The following ZBTB20 variants were observed in gnomAD, a reference collection of about 807,000 sequenced individuals.
ZBTB20 encodes zinc finger and BTB domain-containing protein 20.
In ZBTB20, 9 loss-of-function variants were observed where a neutral mutation model predicts 56.9. That is an observed-to-expected ratio of 0.16 (90% CI 0.10 to 0.28). The LOEUF (loss-of-function observed/expected upper bound fraction) is 0.28. ZBTB20 is among the 10% of genes least tolerant of loss of function. The pLI is 1.00. For synonymous variants in ZBTB20, 417 were observed against 420.7 expected, an observed-to-expected ratio of 0.99 and a Z score of 0.11; for missense variants, 655 against 1,003.0, an observed-to-expected ratio of 0.65 and a Z score of 4.69.
chr3:114,752,895 C>T (rs1336060696), intron 5 of ZBTB20, among the ~76,000 whole-genome samples: 3 of 152,108 alleles, frequency 2.0e-5, no homozygotes, highest in Admixed American at 2.0e-4. Context: ...GAGTGCCTAC[C>T]ACTCAGTTCA....
intron 6 of ZBTB20, among the ~76,000 whole-genome samples, chr3:114,676,771 ATTTTTTTTTTTT>A (rs397873968): frequency 1.6e-5 from 2 of 123,320 alleles, no homozygotes; most frequent in East Asian, 4.6e-4. Context: ...GAACTAGGGG[ATTTTTTTTTTTT>A]TTTTTTTTTG....
intron 10 of ZBTB20, among the ~76,000 whole-genome samples, chr3:114,366,250 C>A (rs1482458524): frequency 1.3e-5 from 2 of 152,186 alleles, no homozygotes; most frequent in African/African-American, 4.8e-5. Flanking sequence ...CTGAATCTTT[C>A]TTAAACATAT....
chr3:114,705,255 A>C lies in ZBTB20; in HGVS notation c.-342-11680T>G, dbSNP rs1325766337. Among the ~76,000 whole-genome samples, 3 of 152,258 alleles carry C rather than the reference A, an allele frequency of 2.0e-5. No homozygotes were observed. The East Asian group carries it at 5.8e-4, about 29-fold the overall frequency. ...ATATTTGATCTGTTTCAGAACACAT[A>C]ACAAGTTTAAAGGTTCTCTCAGCCT... is the stretch of plus-strand genomic sequence containing the variant. On this transcript the variant is annotated intron_variant, in intron 5 of 11. Transcript: ENST00000675478.
chr3:114,377,464 G>A (rs1192366246), intron 10 of ZBTB20, among the ~76,000 whole-genome samples: 1 of 152,092 alleles, frequency 6.6e-6, no homozygotes, highest in Non-Finnish European at 1.5e-5. Context: ...AGAATTTAGG[G>A]GGTCAGACTT....
At chr3:114,409,951 G>A (rs1165132699) in intron 7 of ZBTB20, among the ~76,000 whole-genome samples, 1 of 152,162 alleles carries the variant, frequency 6.6e-6, no homozygotes, top group East Asian at 1.9e-4. Context: ...GCTCTCAGAA[G>A]AGGGAGAATA....
intron 7 of ZBTB20, among the ~76,000 whole-genome samples, chr3:114,440,392 T>A (rs1015177275): frequency 6.6e-6 from 1 of 152,178 alleles, no homozygotes; most frequent in Non-Finnish European, 1.5e-5. Flanking sequence ...GATACCACTA[T>A]GGAATTGGGT....
chr3:114,765,146 T>G (rs1416676326), intron 5 of ZBTB20, among the ~76,000 whole-genome samples: 1 of 152,166 alleles, frequency 6.6e-6, no homozygotes, highest in Non-Finnish European at 1.5e-5. Context: ...TCTCTATTAT[T>G]GAGTCCTGCA....
chr3:114,724,920 A>G (rs187385870), intron 5 of ZBTB20, among the ~76,000 whole-genome samples: 25 of 152,264 alleles, frequency 1.6e-4, no homozygotes, highest in Admixed American at 1.4e-3. Context: ...TATAAAATAC[A>G]ATTTTATTTT....
intron 3 of ZBTB20, among the ~76,000 whole-genome samples, chr3:114,905,994 T>A (rs2107687030): frequency 6.6e-6 from 1 of 151,974 alleles, no homozygotes; most frequent in Non-Finnish European, 1.5e-5. Context: ...ACTATTTTAT[T>A]CTTTTGTGGC....
chr3:114,592,714 A>C (rs2055899971), intron 6 of ZBTB20, among the ~76,000 whole-genome samples: 1 of 152,230 alleles, frequency 6.6e-6, no homozygotes. Context: ...CTTATCTATT[A>C]AGTTTATAGA....
intron 7 of ZBTB20, among the ~76,000 whole-genome samples, chr3:114,495,474 C>G (rs533120380): frequency 6.6e-6 from 1 of 152,142 alleles, no homozygotes; most frequent in East Asian, 1.9e-4. Context: ...CACACACACA[C>G]ACAGTCTCTC....
chr3:114,698,805 G>C (rs2063216471), intron 5 of ZBTB20, among the ~76,000 whole-genome samples: 1 of 152,086 alleles, frequency 6.6e-6, no homozygotes, highest in Non-Finnish European at 1.5e-5. Context: ...TGCGTACTCT[G>C]TCCACTTGTC....
At chr3:114,780,867 G>T (rs2070041976) in intron 5 of ZBTB20, among the ~76,000 whole-genome samples, 1 of 152,092 alleles carries the variant, frequency 6.6e-6, no homozygotes, top group Non-Finnish European at 1.5e-5. Flanking sequence ...GGAATCATAT[G>T]ACTTACCATA....
At chr3:114,577,304 T>C (rs907449923) in intron 6 of ZBTB20, among the ~76,000 whole-genome samples, 2 of 152,124 alleles carry the variant, frequency 1.3e-5, no homozygotes, top group African/African-American at 4.8e-5. Flanking sequence ...CTGATAGATT[T>C]TCTCAATGCA....
chr3:115,145,809 A>T (rs1412453041), intron 1 of ZBTB20, among the ~76,000 whole-genome samples: 1 of 152,208 alleles, frequency 6.6e-6, no homozygotes, highest in Non-Finnish European at 1.5e-5. Context: ...TTATCACTTA[A>T]ATTTAGTGTC....
chr3:114,995,515 C>A (rs554231349), intron 2 of ZBTB20, among the ~76,000 whole-genome samples: 1 of 151,774 alleles, frequency 6.6e-6, no homozygotes, highest in South Asian at 2.1e-4. Flanking sequence ...CATTTAAAGA[C>A]AAAAAATCAT....
intron 6 of ZBTB20, chr3:114,684,587 C>CCTGAA (rs908638111): frequency 5.9e-5 from 9 of 152,110 alleles, no homozygotes; most frequent in African/African-American, 1.9e-4. Flanking sequence ...GGTAACCCTG[C>CCTGAA]CTGAGCAGCT....
intron 1 of ZBTB20, among the ~76,000 whole-genome samples, chr3:115,117,162 G>A (rs1270561793): frequency 6.6e-6 from 1 of 151,928 alleles, no homozygotes; most frequent in Non-Finnish European, 1.5e-5. Flanking sequence ...CTAACAGATG[G>A]GACATAAGGT....
At chr3:114,841,353 G>A (rs2074376682) in intron 4 of ZBTB20, among the ~76,000 whole-genome samples, 2 of 152,060 alleles carry the variant, frequency 1.3e-5, no homozygotes, top group African/African-American at 4.8e-5. Context: ...ATGAGAGTGA[G>A]CATGGTGCAC....
Sources: gnomAD v4.1 joint callset for allele counts (sites outside exome capture counted in the v4.1 genomes callset) on GRCh38, gnomAD v4.1.1 for gene constraint, MANE v1.5 for transcripts, NCBI Gene and HGNC (gene_info 2026-07-23, HGNC 2026-07-21) for gene names.